Variants in WWOX observed in about 807,000 individuals in gnomAD.
WWOX encodes WW domain-containing oxidoreductase.
Under a neutral mutation model 46.2 loss-of-function variants are expected in WWOX, and 69 were observed. The observed-to-expected ratio is 1.49, with a 90% CI of 1.23 to 1.82. The LOEUF is 1.82. WWOX is among the 40% of genes most tolerant of loss of function. The probability of loss-of-function intolerance (pLI) is 0.00; values close to 1 mark genes in which losing one functional copy is unlikely to be tolerated. For missense variants in WWOX, 919 were observed against 542.6 expected (o/e 1.69, Z -6.89); for synonymous variants, 359 against 202.6 (o/e 1.77, Z -6.56).
At chr16:78,987,651 A>C (rs1486276984) in intron 8 of WWOX, among the ~76,000 whole-genome samples, 1 of 152,150 alleles carries the variant, frequency 6.6e-6, no homozygotes, top group Admixed American at 6.5e-5. Flanking sequence ...ATGATGGTGC[A>C]TATGTCTTTG....
At chr16:79,042,502 T>C (rs1230703678) in intron 8 of WWOX, among the ~76,000 whole-genome samples, 2 of 152,154 alleles carry the variant, frequency 1.3e-5, no homozygotes, top group South Asian at 2.1e-4. Context: ...ATTCGCATGA[T>C]AAAAATCATA....
At chr16:78,191,034 C>T (rs2035867301) in intron 5 of WWOX, among the ~76,000 whole-genome samples, 1 of 152,162 alleles carries the variant, frequency 6.6e-6, no homozygotes. Flanking sequence ...GTGTCATTCT[C>T]CATCCCCTTG....
intron 5 of WWOX, among the ~76,000 whole-genome samples, chr16:78,221,412 GA>G (rs2151798108): frequency 1.3e-5 from 2 of 152,250 alleles, no homozygotes; most frequent in East Asian, 3.9e-4. Context: ...ATGTGTAAAG[GA>G]GTTAGTACGT....
At chr16:78,425,539 G>A (rs2083055883) in intron 7 of WWOX, among the ~76,000 whole-genome samples, 1 of 152,196 alleles carries the variant, frequency 6.6e-6, no homozygotes, top group Non-Finnish European at 1.5e-5. Flanking sequence ...GAGCATATTA[G>A]AAATCTGGCC....
chr16:78,678,982 C>T (rs576755454), intron 8 of WWOX, among the ~76,000 whole-genome samples: 2 of 152,282 alleles, frequency 1.3e-5, no homozygotes, highest in African/African-American at 4.8e-5. Context: ...AGACCCTTTT[C>T]CTCCCACAAC....
intron 4 of WWOX, among the ~76,000 whole-genome samples, chr16:78,154,405 G>C (rs1162988809): frequency 1.3e-5 from 2 of 149,204 alleles, no homozygotes; most frequent in Non-Finnish European, 3.0e-5. Flanking sequence ...GAGTCCCACA[G>C]TTTTCGCTTG....
chr16:78,588,176 C>T (rs2045264332), intron 8 of WWOX, among the ~76,000 whole-genome samples: 1 of 152,122 alleles, frequency 6.6e-6, no homozygotes, highest in Non-Finnish European at 1.5e-5. Context: ...TGAAGTTTCC[C>T]CTGGGTGGCT....
At chr16:78,813,159 G>A (rs1464990320) in intron 8 of WWOX, among the ~76,000 whole-genome samples, 4 of 151,288 alleles carry the variant, frequency 2.6e-5, no homozygotes, top group African/African-American at 4.9e-5. Context: ...AAAAAATTCA[G>A]CATCTCAAAT....
chr16:78,135,937 C>A (rs1047888389), intron 4 of WWOX, among the ~76,000 whole-genome samples: 1 of 152,016 alleles, frequency 6.6e-6, no homozygotes, highest in Non-Finnish European at 1.5e-5. Context: ...TTTATAGATG[C>A]CTGGTGTTGA....
chr16:78,177,674 A>G (rs908167917), intron 5 of WWOX, among the ~76,000 whole-genome samples: 4 of 152,196 alleles, frequency 2.6e-5, no homozygotes, highest in African/African-American at 9.7e-5. Context: ...GTCTTAGGAG[A>G]ATAGACTTTA....
At chr16:78,921,302 T>C (rs1169868269) in intron 8 of WWOX, among the ~76,000 whole-genome samples, 3 of 152,186 alleles carry the variant, frequency 2.0e-5, no homozygotes, top group African/African-American at 7.2e-5. Flanking sequence ...TGCCATTACT[T>C]TTCACTGACT....
intron 8 of WWOX, among the ~76,000 whole-genome samples, chr16:78,930,596 T>A (rs987227469): frequency 1.2e-5 from 1 of 81,904 alleles, no homozygotes; most frequent in Non-Finnish European, 3.1e-5. Context: ...AGGCAAGGAC[T>A]TTTTTTTTTT....
intron 4 of WWOX, among the ~76,000 whole-genome samples, chr16:78,143,688 T>G (rs2034065370): frequency 1.3e-5 from 2 of 151,934 alleles, no homozygotes; most frequent in Admixed American, 1.3e-4. Flanking sequence ...TATATAAGGA[T>G]TCCTCTAATA....
chr16:78,707,971 A>T (rs895533796), intron 8 of WWOX, among the ~76,000 whole-genome samples: 8 of 152,228 alleles, frequency 5.3e-5, no homozygotes, highest in African/African-American at 1.9e-4. Flanking sequence ...TGGAATAGTA[A>T]ATAACACTTG....
chr16:78,904,491 C>A (rs907797953), intron 8 of WWOX, among the ~76,000 whole-genome samples: 3 of 151,974 alleles, frequency 2.0e-5, no homozygotes, highest in African/African-American at 7.2e-5. Flanking sequence ...CCTGCCCCAG[C>A]CTCCCAAAGT....
chr16:78,835,518 A>T (rs985612172), intron 8 of WWOX, among the ~76,000 whole-genome samples: 8 of 152,246 alleles, frequency 5.3e-5, no homozygotes, highest in Admixed American at 6.5e-5. Flanking sequence ...ATACCCCGTA[A>T]AATCACACAA....
chr16:78,763,892 C>T (rs887148843), intron 8 of WWOX, among the ~76,000 whole-genome samples: 9 of 152,128 alleles, frequency 5.9e-5, no homozygotes, highest in African/African-American at 1.4e-4. Flanking sequence ...CAATTGTGTA[C>T]ACCCCAATGC....
At chr16:78,996,912 A>G (rs1056081009) in intron 8 of WWOX, among the ~76,000 whole-genome samples, 2 of 152,144 alleles carry the variant, frequency 1.3e-5, no homozygotes, top group African/African-American at 4.8e-5. Flanking sequence ...GGAGAAGAGC[A>G]TTTTGCTTGT....
chr16:78,379,949 C>T (rs901233521), intron 5 of WWOX, among the ~76,000 whole-genome samples: 10 of 152,134 alleles, frequency 6.6e-5, no homozygotes, highest in East Asian at 3.9e-4. Flanking sequence ...GAAAAGAAAA[C>T]GGAGATTGAA....
Sources: gnomAD v4.1 joint callset for allele counts (sites outside exome capture counted in the v4.1 genomes callset) on GRCh38, gnomAD v4.1.1 for gene constraint, MANE v1.5 for transcripts, NCBI Gene and HGNC (gene_info 2026-07-23, HGNC 2026-07-21) for gene names.